Variants in FAM53B observed in about 807,000 individuals in gnomAD.
FAM53B encodes the protein protein FAM53B.
FAM53B carries 12 observed loss-of-function variants against 32.7 expected under a neutral mutation model. The ratio of observed to expected loss-of-function variants is 0.37; its 90% CI spans 0.24 to 0.59. The LOEUF (loss-of-function observed/expected upper bound fraction) is 0.59, where lower values mean the gene tolerates loss of function less well. FAM53B is among the 20% of genes least tolerant of loss of function. The pLI is 0.72. For missense variants in FAM53B, 477 were observed against 577.7 expected, an observed-to-expected ratio of 0.83 and a Z score of 1.79; for synonymous variants, 234 against 228.7, an observed-to-expected ratio of 1.02 and a Z score of -0.21.
chr10:124,636,160 AT>A (rs1949430029), intron 4 of FAM53B, among the ~76,000 whole-genome samples: 2 of 152,198 alleles, frequency 1.3e-5, no homozygotes, highest in African/African-American at 4.8e-5. Flanking sequence ...CCAAAATCCT[AT>A]TCACATGATC....
intron 4 of FAM53B, among the ~76,000 whole-genome samples, chr10:124,625,039 C>T (rs558081958): frequency 6.6e-6 from 1 of 152,226 alleles, no homozygotes; most frequent in Admixed American, 6.5e-5. Flanking sequence ...CCTCCCTCGC[C>T]GCACGCCTGC....
At chr10:124,719,069 AGAAG>A (rs1950053165) in intron 1 of FAM53B, among the ~76,000 whole-genome samples, 2 of 152,178 alleles carry the variant, frequency 1.3e-5, no homozygotes. Context: ...AGAAGAAGAA[AGAAG>A]GAAGAAGACG....
chr10:124,722,166 A>G (rs1950072203), intron 1 of FAM53B, among the ~76,000 whole-genome samples: 1 of 152,196 alleles, frequency 6.6e-6, no homozygotes, highest in Non-Finnish European at 1.5e-5. Context: ...GTAGTTTCAA[A>G]TAGTTAGAAG....
chr10:124,671,854 T>C (rs1949709034), intron 4 of FAM53B, among the ~76,000 whole-genome samples: 1 of 152,182 alleles, frequency 6.6e-6, no homozygotes, highest in African/African-American at 2.4e-5. Flanking sequence ...AAAGGAGGCA[T>C]TGTTAATCTT....
intron 4 of FAM53B, among the ~76,000 whole-genome samples, chr10:124,652,995 A>G (rs1949565943): frequency 6.6e-6 from 1 of 152,174 alleles, no homozygotes; most frequent in African/African-American, 2.4e-5. Context: ...CTTGGCCAGG[A>G]GGAGACTGTG....
chr10:124,648,883 G>T (rs560657214), intron 4 of FAM53B, among the ~76,000 whole-genome samples: 1 of 152,268 alleles, frequency 6.6e-6, no homozygotes, highest in Non-Finnish European at 1.5e-5. Context: ...AATGTGCAGC[G>T]TCACTGGAGA....
chr10:124,715,611 G>A (rs1169668067), intron 1 of FAM53B, among the ~76,000 whole-genome samples: 1 of 152,206 alleles, frequency 6.6e-6, no homozygotes, highest in Non-Finnish European at 1.5e-5. Flanking sequence ...GTCATCCTGT[G>A]GCCTCAGCAC....
At chr10:124,704,862 A>G (rs1375742460) in intron 2 of FAM53B, among the ~76,000 whole-genome samples, 1 of 152,242 alleles carries the variant, frequency 6.6e-6, no homozygotes, top group Non-Finnish European at 1.5e-5. Context: ...AGTTACCACA[A>G]GAATCCTTGC....
At chr10:124,626,980 C>T (rs1291053322) in intron 4 of FAM53B, among the ~76,000 whole-genome samples, 1 of 152,242 alleles carries the variant, frequency 6.6e-6, no homozygotes, top group Non-Finnish European at 1.5e-5. Context: ...TGGTGAATCT[C>T]GTCACAAGCA....
chr10:124,634,532 G>A (rs1949414180), intron 4 of FAM53B, among the ~76,000 whole-genome samples: 1 of 152,166 alleles, frequency 6.6e-6, no homozygotes, highest in Non-Finnish European at 1.5e-5. Flanking sequence ...TTTTATAAGG[G>A]GCTTTGTTCA....
intron 4 of FAM53B, among the ~76,000 whole-genome samples, chr10:124,652,044 C>T (rs1197312144): frequency 2.6e-5 from 4 of 152,200 alleles, no homozygotes; most frequent in Admixed American, 2.6e-4. Context: ...AATTTCAAAG[C>T]CAACATCAAA....
At chr10:124,735,400 T>TA (rs533212046) in intron 1 of FAM53B, among the ~76,000 whole-genome samples, 2 of 152,196 alleles carry the variant, frequency 1.3e-5, no homozygotes, top group Non-Finnish European at 2.9e-5. Flanking sequence ...AGAGAAAACT[T>TA]AGATTTCACC....
At chr10:124,737,859 A>G (rs1589769442) in intron 1 of FAM53B, among the ~76,000 whole-genome samples, 1 of 152,170 alleles carries the variant, frequency 6.6e-6, no homozygotes, top group East Asian at 1.9e-4. Context: ...CCAGGGGCAC[A>G]CGGTATGCCA....
intron 4 of FAM53B, among the ~76,000 whole-genome samples, chr10:124,637,852 A>G (rs1451708429): frequency 6.6e-6 from 1 of 152,156 alleles, no homozygotes; most frequent in Non-Finnish European, 1.5e-5. Flanking sequence ...CCCAGCTGAA[A>G]TGAAACAGCC....
chr10:124,650,505 C>A (rs1207441727), intron 4 of FAM53B, among the ~76,000 whole-genome samples: 1 of 149,312 alleles, frequency 6.7e-6, no homozygotes, highest in Admixed American at 6.7e-5. Context: ...ATGTGCTAGG[C>A]GCTCTACACC....
intron 3 of FAM53B, among the ~76,000 whole-genome samples, chr10:124,692,207 G>A (rs528790506): frequency 6.6e-6 from 1 of 152,218 alleles, no homozygotes; most frequent in Non-Finnish European, 1.5e-5. Flanking sequence ...CCTGGTGCAG[G>A]GCTGGCTGGG....
chr10:124,671,714 T>A (rs1949708154), intron 4 of FAM53B, among the ~76,000 whole-genome samples: 1 of 152,164 alleles, frequency 6.6e-6, no homozygotes, highest in Non-Finnish European at 1.5e-5. Flanking sequence ...GCTCACAAAC[T>A]AAGCCTCTGG....
chr10:124,721,097 G>A (rs1015712575), intron 1 of FAM53B, among the ~76,000 whole-genome samples: 2 of 152,238 alleles, frequency 1.3e-5, no homozygotes, highest in Non-Finnish European at 2.9e-5. Context: ...AGCTACTCGG[G>A]AGGTTGGGGT....
chr10:124,718,882 T>C (rs921082524), intron 1 of FAM53B, among the ~76,000 whole-genome samples: 1 of 152,138 alleles, frequency 6.6e-6, no homozygotes, highest in Non-Finnish European at 1.5e-5. Context: ...TCCCCATCTC[T>C]ATAAAAAATT....
Sources: allele counts gnomAD v4.1 joint callset (sites outside exome capture counted in the v4.1 genomes callset), GRCh38; gene constraint gnomAD v4.1.1; transcripts MANE v1.5; gene names NCBI Gene and HGNC (gene_info 2026-07-23, HGNC 2026-07-21).